Variants in SPTLC2 observed in about 807,000 individuals in gnomAD.
The protein encoded by SPTLC2 is serine palmitoyltransferase long chain base subunit 2, also known as serine palmitoyltransferase 2.
Under a neutral mutation model 62.0 loss-of-function variants are expected in SPTLC2, and 21 were observed. That is an observed-to-expected ratio of 0.34 (90% confidence interval 0.24 to 0.49). SPTLC2 has a LOEUF of 0.49. SPTLC2 is among the 20% of genes least tolerant of loss of function. SPTLC2 has a pLI of 0.99. For synonymous variants in SPTLC2, 261 were observed against 261.8 expected (o/e 1.00, Z 0.03); for missense variants, 511 against 713.0 (o/e 0.72, Z 3.23).
intron 6 of SPTLC2, among the ~76,000 whole-genome samples, chr14:77,558,681 G>T (rs2079598745): frequency 6.6e-6 from 1 of 151,292 alleles, no homozygotes; most frequent in Non-Finnish European, 1.5e-5. Flanking sequence ...GAGTGCAGTG[G>T]CGTGATCTCT....
intron 6 of SPTLC2, among the ~76,000 whole-genome samples, chr14:77,561,349 C>T (rs1427281012): frequency 6.6e-6 from 1 of 152,100 alleles, no homozygotes; most frequent in Non-Finnish European, 1.5e-5. Context: ...ATGGCTCACA[C>T]CTGTAATCCC....
At chr14:77,539,568 C>T (rs571326443) in intron 9 of SPTLC2, among the ~76,000 whole-genome samples, 16 of 129,086 alleles carry the variant, frequency 1.2e-4, no homozygotes, top group African/African-American at 2.1e-4. Context: ...CGGTTCATTG[C>T]AACCTCTGGC....
intron 9 of SPTLC2, among the ~76,000 whole-genome samples, chr14:77,531,446 C>CTTCTTCTT (rs1566770725): frequency 1.9e-5 from 2 of 103,738 alleles, no homozygotes; most frequent in East Asian, 2.1e-4. Context: ...TTCTTCTTCT[C>CTTCTTCTT]CTCCTTCTCC....
rs74876504 is a variant in SPTLC2, at chr14:77,549,934, A to G, written c.1303+2162T>C. On this transcript the variant is annotated intron_variant, in intron 9 of 11. Coordinates refer to ENST00000216484, the MANE Select transcript of SPTLC2 (RefSeq NM_004863.4). ...CTTTGATAGCTCTTAGCCATTTCTT[A>G]GTCACCTAAACCTGTGTGCTGAATC... Among the ~76,000 whole-genome samples, 1,448 of 152,318 alleles carry G rather than the reference A, an allele frequency of 9.5e-3. 28 individuals are homozygous for G. The highest frequency in any genetic ancestry group is 0.033 in the African/African-American group (1,372 of 41,564).
At chr14:77,562,539 A>C (rs1420444925) in intron 5 of SPTLC2, 50 bp from the exon 6 acceptor site, 2 of 1,483,942 alleles carry the variant, frequency 1.3e-6, no homozygotes, top group Non-Finnish European at 1.9e-6. Flanking sequence ...GGAAAGGGTT[A>C]GTTACACAAA....
chr14:77,552,089 G>C lies in SPTLC2; in HGVS notation c.1303+7C>G. The C allele has an allele frequency of 1.9e-6, 3 of 1,613,884 alleles. No individual in the cohort carries two copies. The highest frequency in any genetic ancestry group is 2.5e-6 in the Non-Finnish European group (3 of 1,179,946). ...TTATGCAATGTTTCAAGAAAAGAAA[G>C]ACTTACCAAGGCTGGTGCCATCCTG... On this transcript the variant is annotated splice_region_variant and intron_variant, in intron 9 of 11. Coordinates refer to ENST00000216484, the MANE Select transcript of SPTLC2 (RefSeq NM_004863.4).
At chr14:77,592,491 T>A (rs1245535992) in intron 2 of SPTLC2, among the ~76,000 whole-genome samples, 1 of 152,152 alleles carries the variant, frequency 6.6e-6, no homozygotes, top group African/African-American at 2.4e-5. Context: ...TTCCTAGTAA[T>A]GTATTTGAAT....
At chr14:77,562,596 T>C (rs753682353) in intron 5 of SPTLC2, 107 bp from the exon 6 acceptor site, 13 of 836,400 alleles carry the variant, frequency 1.6e-5, no homozygotes, top group Non-Finnish European at 2.6e-5. Context: ...TTAAGGAAAT[T>C]GTGCACAACA....
At chr14:77,572,083 C>T (rs1455823715) in intron 4 of SPTLC2, among the ~76,000 whole-genome samples, 1 of 152,252 alleles carries the variant, frequency 6.6e-6, no homozygotes, top group African/African-American at 2.4e-5. Context: ...CCACCGCATC[C>T]AGCCGAGCAC....
At chr14:77,595,134 CA>C (rs2079839719) in intron 2 of SPTLC2, among the ~76,000 whole-genome samples, 1 of 151,998 alleles carries the variant, frequency 6.6e-6, no homozygotes, top group South Asian at 2.1e-4. Flanking sequence ...GAGGCCGAGG[CA>C]GGTGGATCGT....
rs190951902 is a variant in SPTLC2, at chr14:77,607,673, A to G, written c.132+8775T>C. Among the ~76,000 whole-genome samples, 98 of 152,286 alleles carry G rather than the reference A, an allele frequency of 6.4e-4. 2 individuals are homozygous for G. The East Asian group carries it at 0.016, about 25-fold the overall frequency. The stretch of plus-strand genomic sequence containing the variant: ...TTCCATACTTATTTTTGCTATTTAA[A>G]TAATTAGCTATTTTTGTTATTCATG... On this transcript the variant is annotated intron_variant, in intron 1 of 11. Transcript: ENST00000216484.
intron 9 of SPTLC2, among the ~76,000 whole-genome samples, chr14:77,539,910 A>C (rs1185466450): frequency 6.6e-6 from 1 of 152,140 alleles, no homozygotes; most frequent in Non-Finnish European, 1.5e-5. Context: ...AAAAAAACAC[A>C]ATTAAGCCAG....
chr14:77,516,637 GA>G (rs574350476), intron 11 of SPTLC2, among the ~76,000 whole-genome samples: 1 of 151,266 alleles, frequency 6.6e-6, no homozygotes, highest in Non-Finnish European at 1.5e-5. Context: ...TCAAAATAAA[GA>G]AAAAAAAGAT....
At chr14:77,545,741 T>C (rs1396569998) in intron 9 of SPTLC2, among the ~76,000 whole-genome samples, 1 of 152,198 alleles carries the variant, frequency 6.6e-6, no homozygotes, top group East Asian at 1.9e-4. Flanking sequence ...TGTGAAGGTT[T>C]AGAAAGTTAG....
At chr14:77,523,997 G>A (rs188235476) in intron 9 of SPTLC2, among the ~76,000 whole-genome samples, 13 of 152,120 alleles carry the variant, frequency 8.5e-5, no homozygotes, top group African/African-American at 2.9e-4. Flanking sequence ...CAAAAATAAC[G>A]GAGTATTAGC....
At chr14:77,521,633 GA>G in intron 9 of SPTLC2, 52 bp from the exon 10 acceptor site, 5 of 1,541,086 alleles carry the variant, frequency 3.2e-6, no homozygotes, top group Non-Finnish European at 4.5e-6. Flanking sequence ...AAAAGGAATG[GA>G]AAAAAGACAG....
intron 9 of SPTLC2, among the ~76,000 whole-genome samples, chr14:77,548,272 C>T (rs2079539609): frequency 6.6e-6 from 1 of 152,126 alleles, no homozygotes; most frequent in African/African-American, 2.4e-5. Flanking sequence ...CTGGTATTGC[C>T]AATCATGCGT....
At chr14:77,573,860 G>A (rs768314611) in intron 4 of SPTLC2, among the ~76,000 whole-genome samples, 2 of 152,160 alleles carry the variant, frequency 1.3e-5, no homozygotes, top group African/African-American at 4.8e-5. Context: ...TTGAACTCCT[G>A]ACCTCAAGTG....
At chr14:77,570,222 C>CAAA (rs35086251) in intron 5 of SPTLC2, among the ~76,000 whole-genome samples, 162 bp downstream of exon 5, 18 of 111,374 alleles carry the variant, frequency 1.6e-4, no homozygotes, top group African/African-American at 4.8e-4. Context: ...GACTCCATCT[C>CAAA]AAAAAAAAAA....
Sources: allele counts gnomAD v4.1 joint callset (sites outside exome capture counted in the v4.1 genomes callset), GRCh38; gene constraint gnomAD v4.1.1; transcripts MANE v1.5; gene names NCBI Gene and HGNC (gene_info 2026-07-23, HGNC 2026-07-21).